Variants in ATP6V0A2 observed in about 807,000 individuals in gnomAD.
ATP6V0A2 encodes the protein V-type proton ATPase 116 kDa subunit a 2.
A neutral mutation model predicts 104.4 loss-of-function variants in ATP6V0A2; 58 were observed. That is an observed-to-expected ratio of 0.56 (90% CI 0.45 to 0.69). The LOEUF (loss-of-function observed/expected upper bound fraction) is 0.69. ATP6V0A2 is among the 30% of genes least tolerant of loss of function. ATP6V0A2 has a pLI of 0.00. For missense variants in ATP6V0A2, 938 were observed against 1,062.9 expected, an observed-to-expected ratio of 0.88 and a Z score of 1.63; for synonymous variants, 376 against 397.9, an observed-to-expected ratio of 0.95 and a Z score of 0.65.
In ATP6V0A2 at chr12:123,724,606, A is replaced by G; in HGVS notation, c.295-48A>G. 3 of 1,602,010 alleles carry G rather than the reference A, an allele frequency of 1.9e-6. No individual in the cohort carries two copies. The South Asian group carries it at 3.3e-5, about 18-fold the overall frequency. On this transcript the variant is annotated intron_variant, in intron 3 of 19. Transcript: ENST00000330342. ...ACTGCATGAAGATTATTGGAATTAC[A>G]CTTGGAACTAATTACTACCCTCTTA...
At chr12:123,745,120 A>G in intron 13 of ATP6V0A2, 148 bp downstream of exon 13, 1 of 861,734 alleles carries the variant, frequency 1.2e-6, no homozygotes, top group Non-Finnish European at 1.9e-6. Context: ...CCAGTCCCGG[A>G]CACTGGGAGG....
At position 123,751,347 on chromosome 12, in the gene ATP6V0A2, C is replaced by T; in HGVS notation, c.2055+118C>T. 3 of 1,490,050 alleles carry T rather than the reference C, an allele frequency of 2.0e-6. No individual in the cohort carries two copies. The South Asian group carries it at 3.4e-5, about 17-fold the overall frequency. 92.3% of individuals were successfully genotyped at this position (1,490,050 alleles called of 1,614,324 possible). A position where few individuals can be genotyped will look rare whatever the true frequency, so the allele number is the denominator to read the frequency against. On this transcript the variant is annotated intron_variant, in intron 16 of 19. Coordinates refer to ENST00000330342, the MANE Select transcript of ATP6V0A2 (RefSeq NM_012463.4). ...CTGTCTCTTGATTTAAAAGCCAAAG[C>T]TCCCTTTATTTAAAACATTGATGTT... is the stretch of plus-strand genomic sequence containing the variant.
At chr12:123,717,594 A>G (rs968859768) in intron 1 of ATP6V0A2, among the ~76,000 whole-genome samples, 1 of 151,548 alleles carries the variant, frequency 6.6e-6, no homozygotes, top group African/African-American at 2.4e-5. Flanking sequence ...ACAGGCGTGC[A>G]CCACCAGGCC....
chr12:123,735,788 A>C (rs1316227980), intron 8 of ATP6V0A2, among the ~76,000 whole-genome samples, 164 bp downstream of exon 8: 2 of 152,148 alleles, frequency 1.3e-5, no homozygotes, highest in Non-Finnish European at 2.9e-5. Context: ...TGGAAGTTTT[A>C]TTTTAGCAAC....
rs1450421746 is a variant in ATP6V0A2, at chr12:123,733,987, A to G, written c.710A>G (p.Lys237Arg). ...TTTTGGGGAGAGCAGATTGGCCACAAGGTTAAGAAGATATGTGATTGGTAA... is the reference window on the plus strand; with the variant it reads ...TTTTGGGGAGAGCAGATTGGCCACAGGGTTAAGAAGATATGTGATTGGTAA... ...ISFWGEQIGH[K>R]VKKICDCYHC... Residue 237 changes from lysine to arginine, a missense_variant, in exon 7 of 20, where the codon AAG becomes AGG. By Grantham distance (26) the Lys-to-Arg change is conservative (BLOSUM62 2). Transcript: ENST00000330342. 3.7e-6 allele frequency: 6 copies of G among 1,613,074 alleles called. No individual in the cohort carries two copies. The highest frequency in any genetic ancestry group is 5.1e-6 in the Non-Finnish European group (6 of 1,179,232).
chr12:123,749,064 C>T (rs760250587), intron 15 of ATP6V0A2, among the ~76,000 whole-genome samples: 8 of 152,260 alleles, frequency 5.3e-5, no homozygotes, highest in Admixed American at 2.0e-4. Flanking sequence ...CCAAGGCTGG[C>T]GGATTGCTTG....
intron 4 of ATP6V0A2, 86 bp from the exon 5 acceptor site, chr12:123,726,111 C>T (rs1956446316): frequency 2.0e-6 from 2 of 985,242 alleles, no homozygotes; most frequent in Admixed American, 3.5e-5. Flanking sequence ...AGTTAGGATG[C>T]CCTATAAACT....
intron 18 of ATP6V0A2, chr12:123,754,766 T>C (rs1175593232): frequency 3.6e-6 from 2 of 553,912 alleles, no homozygotes; most frequent in African/African-American, 3.8e-5. Flanking sequence ...CTGGTCTGGC[T>C]TCAGAGCCTG....
intron 17 of ATP6V0A2, among the ~76,000 whole-genome samples, chr12:123,753,013 T>C (rs1446740538): frequency 6.6e-6 from 1 of 152,188 alleles, no homozygotes; most frequent in East Asian, 1.9e-4. Flanking sequence ...AATCCCCAAA[T>C]ACCTGCCATC....
At chr12:123,754,573 C>G in intron 18 of ATP6V0A2, 36 bp downstream of exon 18, 1 of 1,452,492 alleles carries the variant, frequency 6.9e-7, no homozygotes, top group African/African-American at 1.4e-5. Flanking sequence ...TCCCAATGCC[C>G]TGTAGTGCCA....
At chr12:123,753,324 G>A (rs900856777) in intron 17 of ATP6V0A2, among the ~76,000 whole-genome samples, 5 of 152,194 alleles carry the variant, frequency 3.3e-5, no homozygotes, top group Admixed American at 1.3e-4. Context: ...ATCTTAGTCC[G>A]CTGGGGCTGC....
intron 15 of ATP6V0A2, among the ~76,000 whole-genome samples, chr12:123,748,999 G>C (rs953952130): frequency 1.3e-5 from 2 of 152,130 alleles, no homozygotes; most frequent in African/African-American, 4.8e-5. Flanking sequence ...ATCAAAACGA[G>C]TAGGAAGAGG....
At chr12:123,752,595 G>A (rs1273632084) in intron 17 of ATP6V0A2, among the ~76,000 whole-genome samples, 193 bp downstream of exon 17, 1 of 152,112 alleles carries the variant, frequency 6.6e-6, no homozygotes, top group Non-Finnish European at 1.5e-5. Flanking sequence ...ATATGAGTTC[G>A]GGTCATTTTG....
intron 15 of ATP6V0A2, 114 bp downstream of exon 15, chr12:123,748,899 G>C (rs1593915359): frequency 9.8e-7 from 1 of 1,023,714 alleles, no homozygotes; most frequent in Middle Eastern, 2.1e-4. Context: ...GGCTGCTTCT[G>C]TCTCTGCATG....
At position 123,712,618 on chromosome 12, in the gene ATP6V0A2, A is replaced by T; in HGVS notation, c.53A>T (p.Gln18Leu). 1 of 1,606,568 alleles carries T rather than the reference A, an allele frequency of 6.2e-7. No individual in the cohort carries two copies. The highest frequency in any genetic ancestry group is 8.5e-7 in the Non-Finnish European group (1 of 1,177,472). ...ATGTGCCTGGCGCAGCTCTTCCTGC[A>T]GTCGGGCACGGCCTACGAGTGCCTC... ...ETMCLAQLFLQSGTAYECLSA... is the reference protein window; with the variant it reads ...ETMCLAQLFLLSGTAYECLSA... Residue 18 changes from glutamine to leucine, a missense_variant, in exon 1 of 20, where the codon CAG becomes CTG. Gln to Leu is a moderately radical substitution (Grantham distance 113, BLOSUM62 -2). Coordinates refer to ENST00000330342, the MANE Select transcript of ATP6V0A2 (RefSeq NM_012463.4).
chr12:123,751,238 G>A lies in ATP6V0A2; in HGVS notation c.2055+9G>A, dbSNP rs928754228. The stretch of plus-strand genomic sequence containing the variant: ...GCTTCGGGGTGAACCGGGTAAGTGC[G>A]GGTTTGGATGCATTTACAACTGTGA... On this transcript the variant is annotated intron_variant, in intron 16 of 19. Coordinates refer to ENST00000330342, the MANE Select transcript of ATP6V0A2 (RefSeq NM_012463.4). The A allele has an allele frequency of 1.1e-5, 18 of 1,614,044 alleles. No homozygotes were observed. Among genetic ancestry groups the A allele is most frequent in the East Asian group, 6.7e-5 (3 of 44,894 alleles).
In ATP6V0A2 at chr12:123,744,955, C is replaced by A. The variant is rs1173890942; in HGVS notation, c.1588C>A (p.Pro530Thr). Residue 530 changes from proline to threonine, a missense_variant, in exon 13 of 20, where the codon CCC (proline) becomes ACC (threonine). Physicochemically the swap from Pro to Thr is conservative, Grantham distance 38. Transcript: ENST00000330342. This position sits in a 1 kb window ranked among gnomAD's most constrained non-coding sequence, Gnocchi z 5.4. The stretch of plus-strand genomic sequence containing the variant: ...TCCTGGAGTGTTCCGAGGCCCTTAT[C>A]CCCTTGGCATTGATCCTGTGAGTGC... Reference protein sequence around the residue: ...SIPGVFRGPYPLGIDPIWNLA... With the variant: ...SIPGVFRGPYTLGIDPIWNLA... 4.3e-6 allele frequency: 7 copies of A among 1,614,194 alleles called. No homozygotes were observed. The highest frequency in any genetic ancestry group is 5.9e-6 in the Non-Finnish European group (7 of 1,180,016).
rs1204469491 is a variant in ATP6V0A2 at position 123,735,621 on chromosome 12, CACTGTGAG to C, written c.823_825+5del. On this transcript the variant is annotated splice_donor_variant and splice_donor_5th_base_variant and coding_sequence_variant and intron_variant, in exon 8 of 20. Transcript: ENST00000330342. LOFTEE classifies it high-confidence loss of function. Reference sequence around the variant, plus strand: ...TGAACACCCGCATCCAGGATCTCTACACTGTGAGTAAGCTGGAAGTGGATTGCCTCTTT... The same window carrying C: ...TGAACACCCGCATCCAGGATCTCTACTAAGCTGGAAGTGGATTGCCTCTTT... The C allele has an allele frequency of 6.2e-7, 1 of 1,612,656 alleles. No individual in the cohort carries two copies. The highest frequency in any genetic ancestry group is 8.5e-7 in the Non-Finnish European group (1 of 1,178,706).
chr12:123,744,496 T>C lies in ATP6V0A2; in HGVS notation c.1327-101T>C, dbSNP rs1231970098. 2 of 1,576,470 alleles carry C rather than the reference T, an allele frequency of 1.3e-6. No individual in the cohort carries two copies. Among genetic ancestry groups the C allele is most frequent in the African/African-American group, 1.3e-5 (1 of 74,300 alleles). ...GACAGGGATGTCTGCGGGGCGAGGC[T>C]GTTTTCTGAGAAGTGAGTGGTGAGG... On this transcript the variant is annotated intron_variant, in intron 11 of 19. Transcript: ENST00000330342. The surrounding 1 kb of genome is among the most constrained non-coding windows in gnomAD (Gnocchi z 5.4).
Sources: gnomAD v4.1 joint callset for allele counts (sites outside exome capture counted in the v4.1 genomes callset) on GRCh38, gnomAD v4.1.1 for gene constraint, Gnocchi (gnomAD v3.1) non-coding constraint, MANE v1.5 for transcripts, NCBI Gene and HGNC (gene_info 2026-07-23, HGNC 2026-07-21) for gene names.